The following NRAP variants were observed in gnomAD, a reference collection of about 807,000 sequenced individuals.
The protein encoded by NRAP is nebulin related anchoring protein.
In NRAP, 189 loss-of-function variants were observed where a neutral mutation model predicts 225.9. The ratio of observed to expected loss-of-function variants is 0.84; its 90% CI spans 0.74 to 0.94. The LOEUF (loss-of-function observed/expected upper bound fraction) is 0.94. NRAP is among the 40% of genes least tolerant of loss of function. NRAP has a pLI of 0.00. For missense variants in NRAP, 2,176 were observed against 2,168.7 expected (o/e 1.00, Z -0.07); for synonymous variants, 769 against 790.7 (o/e 0.97, Z 0.46).
chr10:113,595,115 G>C (rs777760969), intron 38 of NRAP, among the ~76,000 whole-genome samples: 7 of 152,222 alleles, frequency 4.6e-5, no homozygotes, highest in Non-Finnish European at 7.3e-5. Context: ...ATGTCCAAGG[G>C]AAACGAAAGT....
At chr10:113,656,159 TG>T (rs1350259561) in intron 4 of NRAP, among the ~76,000 whole-genome samples, 2 of 152,204 alleles carry the variant, frequency 1.3e-5, no homozygotes, top group Admixed American at 6.5e-5. Context: ...CTCTGAAACC[TG>T]CTGCTTGGAG....
rs879103921 is a variant in NRAP, at chr10:113,626,068, C to T, written c.2223G>A (p.Lys741=). ...TDSSQMEHAK[K]SQELQSGVAY... is the part of the protein sequence containing the mutation. ...TCACCCCGCTCTGTAGCTCCTGGCT[C>T]TTCTTGGCGTGCTCCATCTGGGAGC... The change falls in exon 21 of 42, where the codon AAG becomes AAA. Residue 741 remains lysine (K), a synonymous_variant. Coordinates refer to ENST00000359988, the MANE Select transcript of NRAP (RefSeq NM_198060.4). 4 of 1,612,348 alleles carry T rather than the reference C, an allele frequency of 2.5e-6. No individual in the cohort carries two copies. The highest frequency in any genetic ancestry group is 1.3e-5 in the African/African-American group (1 of 74,912).
At chr10:113,662,798 A>T in intron 2 of NRAP, 32 bp from the exon 3 acceptor site, 1 of 1,107,670 alleles carries the variant, frequency 9.0e-7, no homozygotes, top group Non-Finnish European at 1.4e-6. Flanking sequence ...CAAAATTAGA[A>T]ATGTACTTTA....
At chr10:113,629,047 T>C (rs750886528) in intron 19 of NRAP, 26 bp from the exon 20 acceptor site, 3 of 1,507,810 alleles carry the variant, frequency 2.0e-6, no homozygotes, top group African/African-American at 1.4e-5. Flanking sequence ...CACAAAGCTC[T>C]CATTGGGCGC....
chr10:113,630,386 T>C (rs1287838850), intron 18 of NRAP, among the ~76,000 whole-genome samples: 3 of 152,086 alleles, frequency 2.0e-5, no homozygotes. Context: ...GCAGCAATGA[T>C]GGTGATTGAT....
At chr10:113,602,136 C>T (rs1846644228) in intron 35 of NRAP, among the ~76,000 whole-genome samples, 1 of 152,196 alleles carries the variant, frequency 6.6e-6, no homozygotes, top group Non-Finnish European at 1.5e-5. Context: ...CCCTGGCCTC[C>T]CAAAGTGCTG....
At chr10:113,646,380 A>G (rs1433864553) in intron 10 of NRAP, among the ~76,000 whole-genome samples, 1 of 152,226 alleles carries the variant, frequency 6.6e-6, no homozygotes, top group East Asian at 1.9e-4. Context: ...AAGAGAGTGA[A>G]GGAAAAGGAA....
intron 14 of NRAP, among the ~76,000 whole-genome samples, chr10:113,638,015 A>C (rs376239180): frequency 6.6e-6 from 1 of 152,212 alleles, no homozygotes; most frequent in Non-Finnish European, 1.5e-5. Context: ...GGGTGTGTAG[A>C]GAAAATTAGG....
chr10:113,638,010 T>C (rs945779712), intron 14 of NRAP, among the ~76,000 whole-genome samples: 5 of 152,154 alleles, frequency 3.3e-5, no homozygotes, highest in African/African-American at 1.2e-4. Context: ...ACATGGGGTG[T>C]GTAGAGAAAA....
At chr10:113,608,013 A>G (rs1847099585) in intron 32 of NRAP, among the ~76,000 whole-genome samples, 1 of 152,230 alleles carries the variant, frequency 6.6e-6, no homozygotes, top group Non-Finnish European at 1.5e-5. Context: ...CAGATTGACA[A>G]TGTAAAATTG....
intron 14 of NRAP, among the ~76,000 whole-genome samples, chr10:113,637,633 A>C (rs1420236356): frequency 6.6e-6 from 1 of 152,168 alleles, no homozygotes; most frequent in Non-Finnish European, 1.5e-5. Flanking sequence ...AGATTAAAAA[A>C]CATCATTAGG....
At chr10:113,655,220 T>C (rs1389035196) in intron 4 of NRAP, among the ~76,000 whole-genome samples, 1 of 152,236 alleles carries the variant, frequency 6.6e-6, no homozygotes, top group Non-Finnish European at 1.5e-5. Context: ...ACACTGCCTT[T>C]GGGAGTATAA....
chr10:113,622,109 C>A lies in NRAP; in HGVS notation c.2529G>T (p.Ser843=). 2 of 1,613,992 alleles carry A rather than the reference C, an allele frequency of 1.2e-6. No individual in the cohort carries two copies. The highest frequency in any genetic ancestry group is 2.2e-5 in the East Asian group (1 of 44,878). The change falls in exon 24 of 42, where the codon TCG becomes TCT. Residue 843 remains serine, a synonymous_variant. Coordinates refer to ENST00000359988, the MANE Select transcript of NRAP (RefSeq NM_198060.4). ...ACATTTGCAGTGAGTGGCTCATTTG[C>A]GAATCTCCCTGTACATCTTTTGCCC... ...LIGAKDVQGD[S]QMSHSLQMSK...
At chr10:113,661,880 T>C (rs898212434) in intron 3 of NRAP, among the ~76,000 whole-genome samples, 5 of 152,216 alleles carry the variant, frequency 3.3e-5, no homozygotes, top group African/African-American at 1.2e-4. Flanking sequence ...AACTAAAGGT[T>C]TTAATTTTGT....
chr10:113,621,981 G>A lies in NRAP; in HGVS notation c.2657C>T (p.Ala886Val). ...DMVHLVHARK[A>V]QHLATDVGYK... ...GCCTACGTCTGTGGCTAAATGCTGA[G>A]CTTTGCGGGCATGCACGAGGTGGAC... Residue 886 changes from alanine to valine, a missense_variant, in exon 24 of 42, where the codon GCT (alanine) becomes GTT (valine). Transcript: ENST00000359988. 3.7e-6 allele frequency: 6 copies of A among 1,614,220 alleles called. No individual in the cohort carries two copies. The South Asian group carries it at 6.6e-5, about 18-fold the overall frequency.
At chr10:113,594,186 G>A (rs974322189) in intron 38 of NRAP, among the ~76,000 whole-genome samples, 6 of 151,918 alleles carry the variant, frequency 3.9e-5, no homozygotes, top group South Asian at 2.1e-4. Flanking sequence ...TAGTTATTTC[G>A]GCTGCCTTAC....
At chr10:113,647,594 C>CCAGTGG (rs1564752750) in intron 9 of NRAP, among the ~76,000 whole-genome samples, 7 of 138,818 alleles carry the variant, frequency 5.0e-5, no homozygotes, top group African/African-American at 1.3e-4. Flanking sequence ...ACTTCCTCCC[C>CCAGTGG]TAGTGGTACT....
At position 113,628,997 on chromosome 10, in the gene NRAP, A is replaced by G; in HGVS notation, c.2065T>C (p.Trp689Arg). Residue 689 changes from tryptophan to arginine, a missense_variant, in exon 20 of 42, where the codon TGG (tryptophan) becomes CGG (arginine). Coordinates refer to ENST00000359988, the MANE Select transcript of NRAP (RefSeq NM_198060.4). ...GTCAGCCACCCAACTCCCTTCATCC[A>G]TGCCAGGTCAGCCTTGTACTGCAGC... ...SELQYKADLAWMKGVGWLTEG... is the reference protein window; with the variant it reads ...SELQYKADLARMKGVGWLTEG... 3 of 1,613,944 alleles carry G rather than the reference A, an allele frequency of 1.9e-6. No homozygotes were observed. The highest frequency in any genetic ancestry group is 2.5e-6 in the Non-Finnish European group (3 of 1,179,828).
chr10:113,622,280 G>T (rs1206050921), intron 23 of NRAP, 100 bp from the exon 24 acceptor site: 1 of 756,702 alleles, frequency 1.3e-6, no homozygotes, highest in East Asian at 2.5e-5. Flanking sequence ...CCATTGGACA[G>T]AATCCTATTA....
Sources: allele counts gnomAD v4.1 joint callset (sites outside exome capture counted in the v4.1 genomes callset), GRCh38; gene constraint gnomAD v4.1.1; transcripts MANE v1.5; gene names NCBI Gene and HGNC (gene_info 2026-07-23, HGNC 2026-07-21).